Variants in POTEI observed in about 807,000 individuals in gnomAD.
POTEI encodes POTE ankyrin domain family, member I.
POTEI carries 14 observed loss-of-function variants against 43.4 expected under a neutral mutation model. That is an observed-to-expected ratio of 0.32 (90% CI 0.21 to 0.50). The LOEUF is 0.50. Ranked by LOEUF, POTEI falls within the 20% of genes least tolerant of loss-of-function variation. POTEI has a pLI of 0.98. For synonymous variants in POTEI, 95 were observed against 297.9 expected (o/e 0.32, Z 7.01); for missense variants, 235 against 795.4 (o/e 0.30, Z 8.47).
intron 10 of POTEI, among the ~76,000 whole-genome samples, chr2:130,478,665 TC>T (rs1317698155): frequency 7.8e-6 from 1 of 128,138 alleles, no homozygotes; most frequent in Non-Finnish European, 1.6e-5. Flanking sequence ...CTTCATATGC[TC>T]CTTGCTCTTT....
chr2:130,482,398 G>T (rs1033122810), intron 9 of POTEI, among the ~76,000 whole-genome samples: 2 of 150,294 alleles, frequency 1.3e-5, no homozygotes, highest in African/African-American at 5.0e-5. Flanking sequence ...TGAACAAGCT[G>T]CTTCTCTTAG....
intron 6 of POTEI, among the ~76,000 whole-genome samples, chr2:130,494,915 G>A (rs1968531): frequency 0.96 from 86,467 of 89,908 alleles, 41,830 homozygotes; most frequent in East Asian, 1. Context: ...TATTCACCTC[G>A]TTCCCAACCT....
At chr2:130,483,851 G>T (rs975193890) in intron 9 of POTEI, among the ~76,000 whole-genome samples, 1 of 150,710 alleles carries the variant, frequency 6.6e-6, no homozygotes, top group African/African-American at 2.5e-5. Context: ...AAAGTGCTGT[G>T]ATTACAGGTG....
At chr2:130,493,009 A>G (rs1188223120) in intron 6 of POTEI, among the ~76,000 whole-genome samples, 2 of 146,956 alleles carry the variant, frequency 1.4e-5, no homozygotes, top group African/African-American at 5.0e-5. Context: ...TCATTTTGTT[A>G]TTTATATATT....
chr2:130,496,725 A>G (rs1434593310), intron 5 of POTEI, 103 bp from the exon 6 acceptor site: 270 of 1,348,986 alleles, frequency 2.0e-4, no homozygotes, highest in Non-Finnish European at 2.6e-4. Flanking sequence ...ATATCAGAAT[A>G]TCAGAACTTA....
In POTEI at chr2:130,502,145, C is replaced by T. The variant is rs561984520; in HGVS notation, c.810+1301G>A. ...GTCTCATTATGTTGACCAGGCTAGA[C>T]TCGAACTCCTGAGCTCAAGCAATCC... On this transcript the variant is annotated intron_variant, in intron 3 of 14. Coordinates refer to ENST00000451531, the MANE Select transcript of POTEI (RefSeq NM_001277406.2). Among the ~76,000 whole-genome samples the T allele has an allele frequency of 4.0e-4, 18 of 45,396 alleles. No individual in the cohort carries two copies. In the Admixed American group the frequency reaches 4.5e-3, roughly 11 times the overall value. 29.8% of individuals were successfully genotyped at this position (45,396 alleles called of 152,430 possible).
intron 10 of POTEI, among the ~76,000 whole-genome samples, chr2:130,477,182 G>A (rs1464613398): frequency 1.3e-5 from 2 of 148,854 alleles, no homozygotes; most frequent in Non-Finnish European, 3.0e-5. Flanking sequence ...TATGAACCAG[G>A]GTCTTCCTCT....
At chr2:130,484,399 T>C (rs1160112364) in intron 9 of POTEI, among the ~76,000 whole-genome samples, 4 of 90,414 alleles carry the variant, frequency 4.4e-5, no homozygotes, top group Non-Finnish European at 6.5e-5. Flanking sequence ...TTAAGCATGA[T>C]GTGTCTGGGT....
rs921050331 is a variant in POTEI at position 130,461,351 on chromosome 2, C to A, written c.*1465G>T. The A allele has an allele frequency of 1.3e-5, 2 of 152,052 alleles. No homozygotes were observed. 9.4% of individuals were successfully genotyped at this position (152,052 alleles called of 1,614,324 possible). On this transcript the variant is annotated 3_prime_UTR_variant, in exon 15 of 15. Coordinates refer to ENST00000451531, the MANE Select transcript of POTEI (RefSeq NM_001277406.2). The stretch of plus-strand genomic sequence containing the variant: ...CCCTGGGAGCTCTGACTCAGGGAGG[C>A]CTGAGACCTCTGTCGGCCAGAGAAC...
chr2:130,491,276 GT>G (rs1683722818), intron 6 of POTEI, among the ~76,000 whole-genome samples: 1 of 127,708 alleles, frequency 7.8e-6, no homozygotes, highest in African/African-American at 2.7e-5. Context: ...ACTCAGAGCT[GT>G]TTTTACAAAT....
chr2:130,477,172 T>A (rs1006040527), intron 10 of POTEI, among the ~76,000 whole-genome samples: 5 of 151,030 alleles, frequency 3.3e-5, no homozygotes, highest in Non-Finnish European at 7.4e-5. Context: ...TTTTTTTTTT[T>A]ATGAACCAGG....
At chr2:130,496,801 CG>C (rs1162642891) in intron 5 of POTEI, among the ~76,000 whole-genome samples, 179 bp from the exon 6 acceptor site, 4 of 130,704 alleles carry the variant, frequency 3.1e-5, no homozygotes, top group East Asian at 2.5e-4. Context: ...TAATTAAAGA[CG>C]AAAAAAATGT....
chr2:130,477,664 T>C (rs1348327487), intron 10 of POTEI, among the ~76,000 whole-genome samples: 1 of 136,488 alleles, frequency 7.3e-6, no homozygotes, highest in Non-Finnish European at 1.5e-5. Flanking sequence ...AAACAGTCTT[T>C]GTTTTACTCA....
chr2:130,468,943 GAAC>G, intron 13 of POTEI, among the ~76,000 whole-genome samples: 1 of 151,542 alleles, frequency 6.6e-6, no homozygotes, highest in Non-Finnish European at 1.5e-5. Context: ...AGAAAAAAGT[GAAC>G]AAGAAAAGGA....
At chr2:130,492,975 AC>A (rs1359580817) in intron 6 of POTEI, among the ~76,000 whole-genome samples, 5 of 150,924 alleles carry the variant, frequency 3.3e-5, no homozygotes, top group Non-Finnish European at 7.4e-5. Flanking sequence ...ACTAGCCTAT[AC>A]AAAAAACACT....
chr2:130,462,456 C>T lies in POTEI; in HGVS notation c.*360G>A, dbSNP rs989145329. 12 of 279,844 alleles carry T rather than the reference C, an allele frequency of 4.3e-5. No homozygotes were observed. The highest frequency in any genetic ancestry group is 9.9e-5 in the East Asian group (1 of 10,138). 17.3% of individuals were successfully genotyped at this position (279,844 alleles called of 1,614,324 possible). On this transcript the variant is annotated 3_prime_UTR_variant, in exon 15 of 15. Coordinates refer to ENST00000451531, the MANE Select transcript of POTEI (RefSeq NM_001277406.2). ...ATCTGCACAAAAGCAATGCTATCAC[C>T]TCCCCTGTGTGAACTAGGGAGAGGA...
Position 130,463,715 on chromosome 2 carries a change from T to G in POTEI, c.2329A>C (p.Thr777Pro). The G allele has an allele frequency of 6.3e-7, 1 of 1,595,646 alleles. No individual in the cohort carries two copies. The highest frequency in any genetic ancestry group is 1.5e-5 in the African/African-American group (1 of 68,932). The change falls in exon 15 of 15, where the codon ACC (threonine) becomes CCC (proline). Residue 777 changes from threonine (T) to proline (P), a missense_variant. Coordinates refer to ENST00000451531, the MANE Select transcript of POTEI (RefSeq NM_001277406.2). ...ATCTTCTCCATGTCATCCCAGTTGG[T>G]GATGATGCCGTGTTCCATGGGGTAC... is the stretch of plus-strand genomic sequence containing the variant. ...LKYPMEHGII[T>P]NWDDMEKIWH...
chr2:130,463,629 C>G lies in POTEI; in HGVS notation c.2415G>C (p.Leu805=), dbSNP rs1573906425. 6.2e-7 allele frequency: 1 copy of G among 1,607,096 alleles called. No individual in the cohort carries two copies. Residue 805 remains leucine (L), a synonymous_variant, in exon 15 of 15, where the codon CTG becomes CTC. Coordinates refer to ENST00000451531, the MANE Select transcript of POTEI (RefSeq NM_001277406.2). ...CCTTGGGGTTCAGGGGGGCCTCGGTCAGCAGGATGGGGTGCTCCTCAGGGG... is the reference window on the plus strand; with the variant it reads ...CCTTGGGGTTCAGGGGGGCCTCGGTGAGCAGGATGGGGTGCTCCTCAGGGG... ...RVAPEEHPIL[L]TEAPLNPKAN... is the part of the protein sequence containing the mutation.
intron 9 of POTEI, among the ~76,000 whole-genome samples, chr2:130,483,619 G>A (rs1405760657): frequency 2.3e-5 from 2 of 88,712 alleles, no homozygotes; most frequent in Non-Finnish European, 4.4e-5. Flanking sequence ...TTTTGAGACG[G>A]AGTCTTGCTC....
Sources: gnomAD v4.1 joint callset for allele counts (sites outside exome capture counted in the v4.1 genomes callset) on GRCh38, gnomAD v4.1.1 for gene constraint, MANE v1.5 for transcripts, NCBI Gene and HGNC (gene_info 2026-07-23, HGNC 2026-07-21) for gene names.